The following ITIH1 variants were observed in gnomAD, a reference collection of about 807,000 sequenced individuals.
The protein encoded by ITIH1 is inter-alpha-trypsin inhibitor heavy chain H1.
In ITIH1, 94 loss-of-function variants were observed where a neutral mutation model predicts 104.6. The ratio of observed to expected loss-of-function variants is 0.90; its 90% CI spans 0.76 to 1.07. ITIH1 has a LOEUF of 1.07. Among genes scored for constraint, ITIH1 ranks in the 50% least tolerant of loss-of-function variants. ITIH1 has a pLI of 0.00. For missense variants in ITIH1, 1,193 were observed against 1,181.4 expected, an observed-to-expected ratio of 1.01 and a Z score of -0.14; for synonymous variants, 455 against 464.4, an observed-to-expected ratio of 0.98 and a Z score of 0.26.
intron 3 of ITIH1, 80 bp downstream of exon 3, chr3:52,778,586 G>T: frequency 6.3e-7 from 1 of 1,582,412 alleles, no homozygotes; most frequent in Non-Finnish European, 8.6e-7. Flanking sequence ...GATCGGAGTG[G>T]CCAGATAACG....
chr3:52,785,251 G>A (rs1285726444), intron 12 of ITIH1, 22 bp downstream of exon 12: 3 of 1,611,480 alleles, frequency 1.9e-6, no homozygotes, highest in Non-Finnish European at 2.5e-6. Context: ...GCCATGGAGG[G>A]TGGAGAGGCC....
intron 5 of ITIH1, chr3:52,780,041 G>T (rs1559460580): frequency 8.1e-7 from 1 of 1,235,434 alleles, no homozygotes; most frequent in Non-Finnish European, 1.1e-6. Context: ...GGCTGGGTGG[G>T]TGCTGCACAC....
chr3:52,778,745 G>C, intron 3 of ITIH1, 197 bp from the exon 4 acceptor site: 6 of 1,333,526 alleles, frequency 4.5e-6, no homozygotes, highest in Non-Finnish European at 6.0e-6. Context: ...AGGAGCCAAG[G>C]CCAGAGTCTG....
chr3:52,779,818 G>T lies in ITIH1; in HGVS notation c.573+224G>T, dbSNP rs560531191. 20 of 1,169,726 alleles carry T rather than the reference G, an allele frequency of 1.7e-5. No individual in the cohort carries two copies. Among genetic ancestry groups the T allele is most frequent in the Admixed American group, 1.4e-4 (5 of 35,050 alleles). 72.5% of individuals were successfully genotyped at this position (1,169,726 alleles called of 1,614,324 possible). On this transcript the variant is annotated intron_variant, in intron 5 of 21. Coordinates refer to ENST00000273283, the MANE Select transcript of ITIH1 (RefSeq NM_002215.4). This position sits in a 1 kb window ranked among gnomAD's most constrained non-coding sequence, Gnocchi z 4.4. ...GCTTCGGTTTGCTCATCTGCTAGAC[G>T]GGGGGTTTCTGTGAGTCCCAGGACC...
chr3:52,778,482 C>T lies in ITIH1; in HGVS notation c.281C>T (p.Thr94Ile). 3.1e-6 allele frequency: 5 copies of T among 1,614,256 alleles called. No homozygotes were observed. Among genetic ancestry groups the T allele is most frequent in the Non-Finnish European group, 4.2e-6 (5 of 1,180,044 alleles). Residue 94 changes from threonine to isoleucine, a missense_variant, in exon 3 of 22, where the codon ACA becomes ATA. Thr to Ile is a moderately conservative substitution (Grantham distance 89). Coordinates refer to ENST00000273283, the MANE Select transcript of ITIH1 (RefSeq NM_002215.4). ...EVAFDLEIPK[T>I]AFISDFAVTA... ...GCCTTCGACCTGGAAATCCCCAAGA[C>T]AGCATTCATCAGTGACTTTGCCGTG...
At position 52,787,109 on chromosome 3, in the gene ITIH1, G is replaced by T; in HGVS notation, c.1888+10G>T. On this transcript the variant is annotated intron_variant, in intron 14 of 21. Transcript: ENST00000273283. ...GACAAGCCCTCAGAGGGTATAGGCT[G>T]CAGGGGTCTACAGAAGGGAGAGGCC... The T allele has an allele frequency of 6.2e-7, 1 of 1,614,238 alleles. No individual in the cohort carries two copies. Among genetic ancestry groups the T allele is most frequent in the Non-Finnish European group, 8.5e-7 (1 of 1,180,030 alleles).
At position 52,787,018 on chromosome 3, in the gene ITIH1, G is replaced by T. The variant is rs1277300513; in HGVS notation, c.1807G>T (p.Val603Leu). The T allele has an allele frequency of 6.2e-7, 1 of 1,614,196 alleles. No individual in the cohort carries two copies. The highest frequency in any genetic ancestry group is 8.5e-7 in the Non-Finnish European group (1 of 1,180,016). Residue 603 changes from valine (V) to leucine (L), a missense_variant, in exon 14 of 22, where the codon GTG becomes TTG. By Grantham distance (32) the Val-to-Leu change is conservative. Transcript: ENST00000273283. ...ALQMSLDYGF[V>L]TPLTSMSIRG... is the part of the protein sequence containing the mutation. ...GCAGATGTCGCTGGACTATGGGTTT[G>T]TGACCCCACTGACCTCCATGAGCAT...
chr3:52,781,297 T>G lies in ITIH1; in HGVS notation c.688-643T>G, dbSNP rs545881945. On this transcript the variant is annotated intron_variant, in intron 6 of 21. Coordinates refer to ENST00000273283, the MANE Select transcript of ITIH1 (RefSeq NM_002215.4). ...TTCTTCTTCTTCTTCCTCTTCTTCT[T>G]CTTCTGCTTCTTCTTCTCCTTCTCC... Among the ~76,000 whole-genome samples, 54 of 116,292 alleles carry G rather than the reference T, an allele frequency of 4.6e-4. 2 individuals carry two copies. Among genetic ancestry groups the G allele is most frequent in the Admixed American group, 1.4e-3 (14 of 10,038 alleles). The allele number at this position is 116,292 out of a possible 152,430, so 76.3% of individuals were successfully genotyped here.
intron 18 of ITIH1, among the ~76,000 whole-genome samples, chr3:52,788,861 AGT>A (rs1214908924): frequency 6.6e-6 from 1 of 152,124 alleles, no homozygotes; most frequent in Non-Finnish European, 1.5e-5. Context: ...GTGCCCAGCC[AGT>A]TTAATGCTCT....
rs1365586438 is a variant in ITIH1 at position 52,787,973 on chromosome 3, C to T, written c.1925-13C>T. ...GCTGCCCCGCTTCTAAATGCCACTC[C>T]CCCTCCCATCAGCGTTCGTGCTGTC... On this transcript the variant is annotated splice_polypyrimidine_tract_variant and intron_variant, in intron 16 of 21. Transcript: ENST00000273283. 6.3e-7 allele frequency: 1 copy of T among 1,591,304 alleles called. No individual in the cohort carries two copies. The highest frequency in any genetic ancestry group is 8.6e-7 in the Non-Finnish European group (1 of 1,166,204).
chr3:52,787,272 C>T (rs1699227955), intron 15 of ITIH1, 70 bp downstream of exon 15: 36 of 1,593,578 alleles, frequency 2.3e-5, no homozygotes, highest in South Asian at 3.3e-5. Flanking sequence ...TGCTCCAGCC[C>T]CAGGCTCGCA....
Position 52,791,634 on chromosome 3 carries a change from T to C in ITIH1, c.2606+6T>C, listed in dbSNP as rs756205439. On this transcript the variant is annotated splice_donor_region_variant and intron_variant, in intron 21 of 21. Coordinates refer to ENST00000273283, the MANE Select transcript of ITIH1 (RefSeq NM_002215.4). The stretch of plus-strand genomic sequence containing the variant: ...CGCCGGCTCACGGTCACCAGGTGGG[T>C]GGGCTGCTTGCCCAGCACGTCTGCC... 6.2e-7 allele frequency: 1 copy of C among 1,613,448 alleles called. No individual in the cohort carries two copies. The highest frequency in any genetic ancestry group is 1.1e-5 in the South Asian group (1 of 91,064).
At position 52,779,157 on chromosome 3, in the gene ITIH1, TA is replaced by T; in HGVS notation, c.410+113del. ...AGAACAGCCCAGGATGATGGAAGGGTAAGCAAACTGCCCAAACCCAGATGCC... is the reference window on the plus strand; with the variant it reads ...AGAACAGCCCAGGATGATGGAAGGGTAGCAAACTGCCCAAACCCAGATGCC... On this transcript the variant is annotated intron_variant, in intron 4 of 21. Transcript: ENST00000273283. The surrounding 1 kb of genome is among the most constrained non-coding windows in gnomAD (Gnocchi z 4.4). 1.2e-6 allele frequency: 1 copy of T among 837,766 alleles called. No homozygotes were observed. The highest frequency in any genetic ancestry group is 2.0e-6 in the Non-Finnish European group (1 of 491,630). 51.9% of individuals were successfully genotyped at this position (837,766 alleles called of 1,614,324 possible).
intron 13 of ITIH1, 101 bp downstream of exon 13, chr3:52,786,535 C>T (rs1199170276): frequency 8.7e-7 from 1 of 1,154,080 alleles, no homozygotes; most frequent in African/African-American, 1.6e-5. Context: ...GCAAGTAGGT[C>T]AGATTTACTT....
In ITIH1 at chr3:52,779,508, A is replaced by C; in HGVS notation, c.487A>C (p.Thr163Pro). The part of the protein sequence containing the change: ...NPQSKVTFQL[T>P]YEEVLKRNHM... ...CCAGAGCAAGGTCACGTTTCAGCTG[A>C]CTTATGAGGAAGTGCTGAAGAGAAA... The change falls in exon 5 of 22, where the codon ACT becomes CCT. Residue 163 changes from threonine (T) to proline (P), a missense_variant. Physicochemically the swap from Thr to Pro is conservative, Grantham distance 38. Transcript: ENST00000273283. This position sits in a 1 kb window ranked among gnomAD's most constrained non-coding sequence, Gnocchi z 4.4. 6.2e-7 allele frequency: 1 copy of C among 1,614,208 alleles called. No homozygotes were observed. The highest frequency in any genetic ancestry group is 8.5e-7 in the Non-Finnish European group (1 of 1,180,036).
At chr3:52,785,461 G>A (rs970011969) in intron 12 of ITIH1, among the ~76,000 whole-genome samples, 2 of 152,144 alleles carry the variant, frequency 1.3e-5, no homozygotes, top group Admixed American at 6.5e-5. Flanking sequence ...GCAGTCCCTC[G>A]GCCCCCAGTG....
intron 1 of ITIH1, 52 bp downstream of exon 1, chr3:52,777,784 C>G (rs780881365): frequency 1.2e-5 from 18 of 1,494,108 alleles, no homozygotes; most frequent in Non-Finnish European, 1.6e-5. Flanking sequence ...CTGGATGAGG[C>G]CCCGGGCGGG....
chr3:52,787,311 C>T, intron 15 of ITIH1, 109 bp downstream of exon 15: 3 of 1,448,380 alleles, frequency 2.1e-6, no homozygotes, highest in Non-Finnish European at 1.9e-6. Context: ...TCCCTGACTC[C>T]ACTCCTTCCC....
At position 52,789,845 on chromosome 3, in the gene ITIH1, G is replaced by A. The variant is rs202159479; in HGVS notation, c.2312G>A (p.Arg771Gln). 4.7e-5 allele frequency: 76 copies of A among 1,614,126 alleles called. No homozygotes were observed. In the East Asian group the frequency reaches 6.5e-4, roughly 14 times the overall value. Residue 771 changes from arginine (R) to glutamine (Q), a missense_variant, in exon 19 of 22, where the codon CGG becomes CAG. By Grantham distance (43) the Arg-to-Gln change is conservative. Coordinates refer to ENST00000273283, the MANE Select transcript of ITIH1 (RefSeq NM_002215.4). ...VFSWRDQAVL[R>Q]QDGVVVTINK... ...TCCTGGAGGGACCAAGCTGTGCTGC[G>A]GCAGGACGGGTAACCTGCCAGGGCC...
Sources: gnomAD v4.1 joint callset for allele counts (sites outside exome capture counted in the v4.1 genomes callset) on GRCh38, gnomAD v4.1.1 for gene constraint, Gnocchi (gnomAD v3.1) non-coding constraint, MANE v1.5 for transcripts, NCBI Gene and HGNC (gene_info 2026-07-23, HGNC 2026-07-21) for gene names.